The following IFNAR2 variants were observed in gnomAD, a reference collection of about 807,000 sequenced individuals.
The protein encoded by IFNAR2 is interferon alpha/beta receptor 2.
A neutral mutation model predicts 49.4 loss-of-function variants in IFNAR2; 30 were observed. The observed-to-expected ratio is 0.61, with a 90% CI of 0.45 to 0.82. The LOEUF is 0.82. Among genes scored for constraint, IFNAR2 ranks in the 40% least tolerant of loss-of-function variants. The pLI is 0.00. For synonymous variants in IFNAR2, 224 were observed against 234.5 expected (o/e 0.96, Z 0.41); for missense variants, 600 against 622.7 (o/e 0.96, Z 0.39).
At position 33,263,307 on chromosome 21, in the gene IFNAR2, A is replaced by G; in HGVS notation, c.1355A>G (p.His452Arg). 3 of 1,613,978 alleles carry G rather than the reference A, an allele frequency of 1.9e-6. No homozygotes were observed. Among genetic ancestry groups the G allele is most frequent in the Middle Eastern group, 3.3e-4 (2 of 6,062 alleles). The change falls in exon 9 of 9, where the codon CAT (histidine) becomes CGT (arginine). Residue 452 changes from histidine (H) to arginine (R), a missense_variant. By Grantham distance (29) the His-to-Arg change is conservative (BLOSUM62 0). Coordinates refer to ENST00000342136, the MANE Select transcript of IFNAR2 (RefSeq NM_001289125.3). The part of the protein sequence containing the change: ...DLEAPLMLSS[H>R]LEEMVDPEDP... ...GAAGCCCCTCTGATGCTATCGTCTC[A>G]TCTGGAAGAGATGGTTGACCCAGAG... is the stretch of plus-strand genomic sequence containing the variant.
At chr21:33,238,149 C>G (rs141521586) in intron 1 of IFNAR2, among the ~76,000 whole-genome samples, 2 of 152,106 alleles carry the variant, frequency 1.3e-5, no homozygotes, top group African/African-American at 4.8e-5. Context: ...GCTACCTTGG[C>G]GTTGTCAGTC....
At chr21:33,236,925 A>T in intron 1 of IFNAR2, 1 of 974,054 alleles carries the variant, frequency 1.0e-6, no homozygotes, top group African/African-American at 1.8e-5. Context: ...AGTTTTAAGG[A>T]GCTCCATTAA....
intron 6 of IFNAR2, among the ~76,000 whole-genome samples, chr21:33,251,303 T>G (rs1360506663): frequency 6.6e-6 from 1 of 152,168 alleles, no homozygotes; most frequent in Non-Finnish European, 1.5e-5. Context: ...AAGGTGAAAG[T>G]GGTCTACTGA....
intron 2 of IFNAR2, among the ~76,000 whole-genome samples, chr21:33,242,728 CAAAAA>C (rs1182507309): frequency 4.1e-5 from 2 of 48,576 alleles, no homozygotes; most frequent in Non-Finnish European, 7.4e-5. Flanking sequence ...GACTCTGTCT[CAAAAA>C]AAAAAAAAAA....
At chr21:33,251,797 A>C (rs2022867666) in intron 6 of IFNAR2, 1 of 984,446 alleles carries the variant, frequency 1.0e-6, no homozygotes, top group African/African-American at 1.7e-5. Flanking sequence ...GTTTAAAGGG[A>C]GATGGCTGGG....
At chr21:33,237,914 G>A (rs1186377417) in intron 1 of IFNAR2, among the ~76,000 whole-genome samples, 1 of 152,116 alleles carries the variant, frequency 6.6e-6, no homozygotes, top group East Asian at 1.9e-4. Flanking sequence ...GGGGTCTAGG[G>A]GAAAGCAAAG....
intron 1 of IFNAR2, among the ~76,000 whole-genome samples, chr21:33,237,083 GTGTGTGTGTGTGT>G (rs1986527035): frequency 6.6e-6 from 1 of 151,086 alleles, no homozygotes; most frequent in Non-Finnish European, 1.5e-5. Flanking sequence ...AATGGGGTGT[GTGTGTGTGTGTGT>G]GTGTGTGTGT....
intron 6 of IFNAR2, chr21:33,251,516 T>C (rs1480693896): frequency 2.0e-6 from 2 of 981,716 alleles, no homozygotes; most frequent in Non-Finnish European, 2.4e-6. Flanking sequence ...AAGGAGATTG[T>C]GTGCTGGCCA....
intron 1 of IFNAR2, among the ~76,000 whole-genome samples, chr21:33,240,840 AT>A (rs17860254): frequency 0.024 from 3,663 of 152,032 alleles, 59 homozygotes; most frequent in South Asian, 0.055. Flanking sequence ...TTACATATAT[AT>A]ACACACAGTA....
chr21:33,242,905 T>C (rs13050728), intron 2 of IFNAR2, among the ~76,000 whole-genome samples: 101,023 of 148,224 alleles, frequency 0.68, 35,025 homozygotes, highest in African/African-American at 0.79. Context: ...TCTCCTGCCT[T>C]AGCCTCCCAA....
At chr21:33,246,679 T>TTGTTA (rs1657206213) in intron 4 of IFNAR2, 39 bp from the exon 5 acceptor site, 1 of 1,561,070 alleles carries the variant, frequency 6.4e-7, no homozygotes, top group Admixed American at 1.8e-5. Flanking sequence ...ATTACATCAA[T>TTGTTA]GCTAACAATT....
In IFNAR2 at chr21:33,260,655, C is replaced by T. The variant is rs567371989; in HGVS notation, c.768C>T (p.Val256=). Residue 256 remains valine, a synonymous_variant, in exon 8 of 9, where the codon GTC becomes GTT. Coordinates refer to ENST00000342136, the MANE Select transcript of IFNAR2 (RefSeq NM_001289125.3). ...TTACTGTGTTTTTGATAGCATTGGT[C>T]TTGACAAGCACCATAGTGACACTGA... ...GIITVFLIAL[V]LTSTIVTLKW... 2 of 1,604,052 alleles carry T rather than the reference C, an allele frequency of 1.2e-6. No individual in the cohort carries two copies. The highest frequency in any genetic ancestry group is 2.7e-5 in the African/African-American group (2 of 74,746).
intron 1 of IFNAR2, chr21:33,231,761 T>A: frequency 1.1e-6 from 1 of 872,976 alleles, no homozygotes; most frequent in Non-Finnish European, 1.4e-6. Flanking sequence ...GTTTGGTTTT[T>A]GACAAAGTCT....
At chr21:33,256,102 C>T (rs971288634) in intron 7 of IFNAR2, among the ~76,000 whole-genome samples, 12 of 152,184 alleles carry the variant, frequency 7.9e-5, no homozygotes, top group Admixed American at 5.9e-4. Flanking sequence ...ACTCAGTCCC[C>T]AGTTCCAAGG....
chr21:33,239,505 G>A lies in IFNAR2; in HGVS notation c.-83-2335G>A, dbSNP rs1345484256. ...CTTCTGCAGGCCCAGAATGGTAACA[G>A]CCCTCAATGTTGTGAGCTGCAGGTT... On this transcript the variant is annotated intron_variant, in intron 1 of 8. Transcript: ENST00000342136. Among the ~76,000 whole-genome samples, 3 of 151,948 alleles carry A rather than the reference G, an allele frequency of 2.0e-5. No homozygotes were observed. The East Asian group carries it at 5.8e-4, about 29-fold the overall frequency.
At chr21:33,251,537 A>C (rs1196439727) in intron 6 of IFNAR2, 33 of 985,094 alleles carry the variant, frequency 3.3e-5, no homozygotes, top group Non-Finnish European at 3.9e-5. Context: ...CTGGAGGGGA[A>C]GCTTTTAGTT....
At position 33,263,577 on chromosome 21, in the gene IFNAR2, T is replaced by G; in HGVS notation, c.*77T>G. The G allele has an allele frequency of 7.3e-7, 1 of 1,365,412 alleles. No homozygotes were observed. Among genetic ancestry groups the G allele is most frequent in the East Asian group, 2.3e-5 (1 of 42,740 alleles). The allele number at this position is 1,365,412 out of a possible 1,614,324, so 84.6% of individuals were successfully genotyped here. A position where few individuals can be genotyped will look rare whatever the true frequency, so the allele number is the denominator to read the frequency against. On this transcript the variant is annotated 3_prime_UTR_variant, in exon 9 of 9. Coordinates refer to ENST00000342136, the MANE Select transcript of IFNAR2 (RefSeq NM_001289125.3). ...GTCTCTGCATCCTAACTTGCTGCCT[T>G]ATCGTCTGCAAGTGTTCTCCAAGGG... is the stretch of plus-strand genomic sequence containing the variant.
intron 2 of IFNAR2, among the ~76,000 whole-genome samples, chr21:33,242,455 G>A (rs1327901115): frequency 2.6e-5 from 4 of 152,186 alleles, no homozygotes; most frequent in Admixed American, 2.0e-4. Context: ...GTGTGTGTCC[G>A]GGCGCGGTGG....
In IFNAR2 at chr21:33,248,777, C is replaced by G. The variant is rs1333086101; in HGVS notation, c.463C>G (p.Pro155Ala). ...CCACATTAATGTGATGGTGAAATTT[C>G]CATCTATTGTTGAGGAAGAATTACA... ...TNHINVMVKF[P>A]SIVEEELQFD... Residue 155 changes from proline to alanine, a missense_variant, in exon 6 of 9, where the codon CCA becomes GCA. By Grantham distance (27) the Pro-to-Ala change is conservative. Transcript: ENST00000342136. The G allele has an allele frequency of 3.1e-6, 5 of 1,610,962 alleles. No homozygotes were observed. Among genetic ancestry groups the G allele is most frequent in the Non-Finnish European group, 4.2e-6 (5 of 1,178,250 alleles).
Sources: gnomAD v4.1 joint callset for allele counts (sites outside exome capture counted in the v4.1 genomes callset) on GRCh38, gnomAD v4.1.1 for gene constraint, MANE v1.5 for transcripts, NCBI Gene and HGNC (gene_info 2026-07-23, HGNC 2026-07-21) for gene names.